The following KLHL41 variants were observed in gnomAD, a reference collection of about 807,000 sequenced individuals.
KLHL41 encodes the protein kelch like family member 41, also known as kelch-like protein 41.
KLHL41 carries 31 observed loss-of-function variants against 49.2 expected under a neutral mutation model. The observed-to-expected ratio is 0.63, with a 90% confidence interval of 0.47 to 0.85. The LOEUF (loss-of-function observed/expected upper bound fraction) is 0.85. Ranked by LOEUF, KLHL41 falls within the 40% of genes least tolerant of loss-of-function variation. The pLI is 0.00. For synonymous variants in KLHL41, 218 were observed against 258.5 expected, an observed-to-expected ratio of 0.84 and a Z score of 1.50; for missense variants, 663 against 726.7, an observed-to-expected ratio of 0.91 and a Z score of 1.01.
In KLHL41 at chr2:169,514,957, G is replaced by A; in HGVS notation, c.1372G>A (p.Asp458Asn). The A allele has an allele frequency of 1.3e-6, 2 of 1,561,152 alleles. No homozygotes were observed. Among genetic ancestry groups the A allele is most frequent in the Non-Finnish European group, 8.8e-7 (1 of 1,139,194 alleles). ...MIYCLGGKTD[D>N]KKCTNRVFIF... ...ATATTGTCTAGGAGGAAAGACAGAT[G>A]ACAAGTAAGTACCCTGAACTCTCAT... Residue 458 changes from aspartate (D) to asparagine (N), a missense_variant, in exon 3 of 6, where the codon GAC (aspartate) becomes AAC (asparagine). Coordinates refer to ENST00000284669, the MANE Select transcript of KLHL41 (RefSeq NM_006063.3).
Position 169,509,873 on chromosome 2 carries a change from T to C in KLHL41, c.95T>C (p.Phe32Ser). Reference sequence around the variant, plus strand: ...AAAGATCTCCTGGATGAGAAAAAATTCATCGATTGCACCCTAAAAGCAGGT... The same window carrying C: ...AAAGATCTCCTGGATGAGAAAAAATCCATCGATTGCACCCTAAAAGCAGGT... Reference protein sequence around the residue: ...GLKDLLDEKKFIDCTLKAGDK... With the variant: ...GLKDLLDEKKSIDCTLKAGDK... Residue 32 changes from phenylalanine to serine, a missense_variant, in exon 1 of 6, where the codon TTC (phenylalanine) becomes TCC (serine). Transcript: ENST00000284669. The C allele has an allele frequency of 6.2e-7, 1 of 1,614,148 alleles. No homozygotes were observed. Among genetic ancestry groups the C allele is most frequent in the Non-Finnish European group, 8.5e-7 (1 of 1,180,030 alleles).
intron 1 of KLHL41, among the ~76,000 whole-genome samples, chr2:169,512,889 G>A (rs1200391345): frequency 6.6e-6 from 1 of 151,934 alleles, no homozygotes; most frequent in Non-Finnish European, 1.5e-5. Context: ...TTTTACCTTG[G>A]TAAGGGAGGA....
intron 1 of KLHL41, among the ~76,000 whole-genome samples, chr2:169,512,031 T>C (rs544017573): frequency 6.6e-6 from 1 of 152,340 alleles, no homozygotes; most frequent in South Asian, 2.1e-4. Flanking sequence ...ATGGGCACTT[T>C]AGTTGGAAAG....
In KLHL41 at chr2:169,514,559, A is replaced by G; in HGVS notation, c.1111-15A>G. 3.1e-6 allele frequency: 5 copies of G among 1,601,242 alleles called. No individual in the cohort carries two copies. The highest frequency in any genetic ancestry group is 2.3e-5 in the South Asian group (2 of 88,546). ...TCTAACAGGCTCCACAATCTCTCATATATGTTTTTTTCAGCTCGATAGCAT... is the reference window on the plus strand; with the variant it reads ...TCTAACAGGCTCCACAATCTCTCATGTATGTTTTTTTCAGCTCGATAGCAT... On this transcript the variant is annotated splice_polypyrimidine_tract_variant and intron_variant, in intron 1 of 5. Coordinates refer to ENST00000284669, the MANE Select transcript of KLHL41 (RefSeq NM_006063.3).
chr2:169,513,859 AAGG>A (rs1415978669), intron 1 of KLHL41, among the ~76,000 whole-genome samples: 2 of 152,192 alleles, frequency 1.3e-5, no homozygotes, highest in African/African-American at 4.8e-5. Flanking sequence ...GCATGGGCAC[AAGG>A]AGATTTTCCT....
chr2:169,511,120 C>CT (rs1201621690), intron 1 of KLHL41, among the ~76,000 whole-genome samples: 12 of 152,312 alleles, frequency 7.9e-5, no homozygotes, highest in South Asian at 2.1e-4. Flanking sequence ...TGTTTAATGA[C>CT]TTAAGATGTT....
rs376097284 is a variant in KLHL41 at position 169,510,707 on chromosome 2, A to G, written c.929A>G (p.Asn310Ser). Residue 310 changes from asparagine (N) to serine (S), a missense_variant, in exon 1 of 6, where the codon AAT (asparagine) becomes AGT (serine). This residue lies in a region of KLHL41 where 528 missense variants were observed against 581.0 expected (regional missense o/e 0.91). Transcript: ENST00000284669. This position sits in a 1 kb window ranked among gnomAD's most constrained non-coding sequence, Gnocchi z 4.2. The stretch of plus-strand genomic sequence containing the variant: ...GTAAAAGACCTCATCCTCTTGGTTA[A>G]TGACACAGCAGCAGTGGCTTATGAC... ...MFVKDLILLV[N>S]DTAAVAYDPT... 1.9e-6 allele frequency: 3 copies of G among 1,614,064 alleles called. No individual in the cohort carries two copies. In the African/African-American group the frequency reaches 4.0e-5, roughly 22 times the overall value.
At chr2:169,519,302 A>G (rs1445416006) in intron 4 of KLHL41, among the ~76,000 whole-genome samples, 1 of 152,144 alleles carries the variant, frequency 6.6e-6, no homozygotes, top group Non-Finnish European at 1.5e-5. Context: ...GAAAAAAGAG[A>G]AATATTATTA....
chr2:169,519,451 A>G (rs891919244), intron 4 of KLHL41, among the ~76,000 whole-genome samples: 3 of 152,192 alleles, frequency 2.0e-5, no homozygotes, highest in African/African-American at 7.2e-5. Flanking sequence ...AACACTCATG[A>G]TGTAAGTTAA....
intron 3 of KLHL41, among the ~76,000 whole-genome samples, chr2:169,516,549 T>A (rs746711187): frequency 2.0e-5 from 3 of 152,200 alleles, no homozygotes; most frequent in Non-Finnish European, 2.9e-5. Context: ...ACAGGAACCC[T>A]GCCAAATGAT....
intron 1 of KLHL41, among the ~76,000 whole-genome samples, chr2:169,511,849 C>A (rs1684033359): frequency 6.6e-6 from 1 of 152,126 alleles, no homozygotes. Context: ...AACCAATATA[C>A]CCTTAGTTGT....
intron 3 of KLHL41, among the ~76,000 whole-genome samples, chr2:169,515,770 C>T (rs1433248324): frequency 7.2e-5 from 11 of 152,026 alleles, no homozygotes; most frequent in Non-Finnish European, 2.9e-5. Context: ...GTAAAAAAGA[C>T]AAAATAAAAA....
At position 169,510,719 on chromosome 2, in the gene KLHL41, C is replaced by T. The variant is rs1357640623; in HGVS notation, c.941C>T (p.Ala314Val). 14 of 1,614,058 alleles carry T rather than the reference C, an allele frequency of 8.7e-6. No homozygotes were observed. Among genetic ancestry groups the T allele is most frequent in the Non-Finnish European group, 1.2e-5 (14 of 1,180,022 alleles). ...DLILLVNDTA[A>V]VAYDPTENEC... is the part of the protein sequence containing the mutation. ...ATCCTCTTGGTTAATGACACAGCAG[C>T]AGTGGCTTATGACCCCACGGAAAAT... is the stretch of plus-strand genomic sequence containing the variant. Residue 314 changes from alanine (A) to valine (V), a missense_variant, in exon 1 of 6, where the codon GCA becomes GTA. By Grantham distance (64) the Ala-to-Val change is moderately conservative. Around this residue, in one of 3 missense-constraint regions of KLHL41, gnomAD observed 528 missense variants for 581.0 expected, o/e 0.91. Coordinates refer to ENST00000284669, the MANE Select transcript of KLHL41 (RefSeq NM_006063.3). This position sits in a 1 kb window ranked among gnomAD's most constrained non-coding sequence, Gnocchi z 4.2.
Position 169,510,823 on chromosome 2 carries a change from G to A in KLHL41, c.1045G>A (p.Val349Met). Residue 349 changes from valine (V) to methionine (M), a missense_variant, in exon 1 of 6, where the codon GTG (valine) becomes ATG (methionine). Val to Met is a conservative substitution (Grantham distance 21). This residue lies in a region of KLHL41 where 528 missense variants were observed against 581.0 expected (regional missense o/e 0.91). Transcript: ENST00000284669. This position sits in a 1 kb window ranked among gnomAD's most constrained non-coding sequence, Gnocchi z 4.2. Reference sequence around the variant, plus strand: ...TGTTACCCAGCAAAATCAGATATATGTGGTAGGAGGACTATATGTGGATGA... The same window carrying A: ...TGTTACCCAGCAAAATCAGATATATATGGTAGGAGGACTATATGTGGATGA... ...SIVTQQNQIYVVGGLYVDEEN... is the reference protein window; with the variant it reads ...SIVTQQNQIYMVGGLYVDEEN... 1 of 1,613,918 alleles carries A rather than the reference G, an allele frequency of 6.2e-7. No individual in the cohort carries two copies. The highest frequency in any genetic ancestry group is 8.5e-7 in the Non-Finnish European group (1 of 1,179,864).
At chr2:169,521,108 G>A in intron 5 of KLHL41, 101 bp downstream of exon 5, 2 of 1,092,340 alleles carry the variant, frequency 1.8e-6, no homozygotes, top group Admixed American at 2.0e-5. Context: ...CAACATGCAA[G>A]CTACTTCTTG....
At chr2:169,517,270 A>G (rs1684131371) in intron 3 of KLHL41, among the ~76,000 whole-genome samples, 1 of 152,112 alleles carries the variant, frequency 6.6e-6, no homozygotes, top group South Asian at 2.1e-4. Flanking sequence ...GAAATTCTGA[A>G]CTCCCATCAA....
chr2:169,524,873 CTG>C (rs567024152), intron 5 of KLHL41, among the ~76,000 whole-genome samples: 214 of 152,146 alleles, frequency 1.4e-3, no homozygotes, highest in African/African-American at 4.8e-3. Context: ...AAGCAACAAA[CTG>C]TGCTTAAGGA....
chr2:169,518,868 C>A (rs183887377), intron 4 of KLHL41, among the ~76,000 whole-genome samples: 1 of 152,140 alleles, frequency 6.6e-6, no homozygotes, highest in Non-Finnish European at 1.5e-5. Context: ...TTGGTACAGA[C>A]AGGGTCTCAC....
rs1684303994 is a variant in KLHL41, at chr2:169,526,192, A to G, written c.*496A>G. 1 of 152,254 alleles carries G rather than the reference A, an allele frequency of 6.6e-6. No individual in the cohort carries two copies. Among genetic ancestry groups the G allele is most frequent in the Non-Finnish European group, 1.5e-5 (1 of 68,044 alleles). The allele number at this position is 152,254 out of a possible 1,614,324, so 9.4% of individuals were successfully genotyped here. ...TTCAGAAATCCTACTTCAGAAGTGT[A>G]ATAAATGGATGGGGAAATCGTTTGA... On this transcript the variant is annotated 3_prime_UTR_variant, in exon 6 of 6. Transcript: ENST00000284669.
Sources: allele counts gnomAD v4.1 joint callset (sites outside exome capture counted in the v4.1 genomes callset), GRCh38; gene constraint gnomAD v4.1.1; regional missense constraint gnomAD v4.1.1; non-coding constraint Gnocchi (gnomAD v3.1); transcripts MANE v1.5; gene names NCBI Gene and HGNC (gene_info 2026-07-23, HGNC 2026-07-21).